C10orf67: variants seen among roughly 807,000 people sequenced by gnomAD.
C10orf67 encodes the protein chromosome 10 open reading frame 67, also known as uncharacterized protein C10orf67, mitochondrial.
C10orf67 carries 60 observed loss-of-function variants against 35.6 expected under a neutral mutation model. The observed-to-expected ratio is 1.68, with a 90% CI of 1.37 to 2.09. The LOEUF (loss-of-function observed/expected upper bound fraction) is 2.09. Ranked by LOEUF, C10orf67 falls within the 30% of genes most tolerant of loss-of-function variation. The pLI, the probability that C10orf67 is intolerant of heterozygous loss-of-function variation, is 0.00. For missense variants in C10orf67, 474 were observed against 330.2 expected (o/e 1.44, Z -3.38); for synonymous variants, 167 against 115.8 (o/e 1.44, Z -2.84).
chr10:23,239,616 C>A (rs1359892120), intron 13 of C10orf67, 113 bp downstream of exon 13: 2 of 509,476 alleles, frequency 3.9e-6, no homozygotes, highest in African/African-American at 1.9e-5. Context: ...CTGCCTTGTA[C>A]TATCTCTAGA....
Position 23,322,659 on chromosome 10 carries a change from A to G in C10orf67, c.328-122T>C, listed in dbSNP as rs949629379. The G allele has an allele frequency of 2.7e-5, 17 of 621,724 alleles. No homozygotes were observed. The African/African-American group carries it at 2.8e-4, about 10-fold the overall frequency. 38.5% of individuals were successfully genotyped at this position (621,724 alleles called of 1,614,324 possible). ...AACTCATGTGCACAAAGAGGGGAGC[A>G]ACACACACTGGGGCCTACTTACGGT... On this transcript the variant is annotated intron_variant, in intron 2 of 15. Coordinates refer to ENST00000636213, the MANE Select transcript of C10orf67 (RefSeq NM_001371909.1).
chr10:23,313,022 A>C (rs1197320643), intron 4 of C10orf67, among the ~76,000 whole-genome samples: 1 of 152,130 alleles, frequency 6.6e-6, no homozygotes, highest in African/African-American at 2.4e-5. Flanking sequence ...CCAATTCCTC[A>C]AAATCTCTTT....
chr10:23,325,400 T>C (rs1845147274), intron 2 of C10orf67, among the ~76,000 whole-genome samples: 1 of 150,766 alleles, frequency 6.6e-6, no homozygotes, highest in Non-Finnish European at 1.5e-5. Flanking sequence ...GGCTCATCCC[T>C]GAGAGATACA....
intron 5 of C10orf67, among the ~76,000 whole-genome samples, chr10:23,295,097 T>C (rs182082095): frequency 1.1e-4 from 16 of 152,318 alleles, no homozygotes; most frequent in African/African-American, 3.8e-4. Flanking sequence ...TGTCGGGGTC[T>C]CCAGGAGAAA....
chr10:23,228,569 A>G (rs568923266), intron 13 of C10orf67, among the ~76,000 whole-genome samples: 38 of 152,368 alleles, frequency 2.5e-4, no homozygotes, highest in African/African-American at 8.9e-4. Context: ...CAATGGCAAC[A>G]AAAGCCAAAA....
Position 23,266,349 on chromosome 10 carries a change from C to T in C10orf67, c.1113G>A (p.Arg371=). The T allele has an allele frequency of 2.5e-6, 1 of 398,616 alleles. No individual in the cohort carries two copies. Among genetic ancestry groups the T allele is most frequent in the East Asian group, 3.6e-5 (1 of 28,074 alleles). 24.7% of individuals were successfully genotyped at this position (398,616 alleles called of 1,614,324 possible). Residue 371 remains arginine (R), a synonymous_variant, in exon 10 of 16, where the codon AGG becomes AGA. Coordinates refer to ENST00000636213, the MANE Select transcript of C10orf67 (RefSeq NM_001371909.1). ...ATACACTCATGGTCGCAGAATGTGG[C>T]CTCAAAGCTGTGGTGCTGGGTGGAG... ...PKSPPSTTAL[R]PHSATMSVSS...
chr10:23,279,311 C>T (rs1406434495), intron 8 of C10orf67, among the ~76,000 whole-genome samples: 2 of 152,234 alleles, frequency 1.3e-5, no homozygotes, highest in Non-Finnish European at 2.9e-5. Context: ...GATGAAGAGC[C>T]ACTATTCACA....
At chr10:23,212,820 A>AGAGG (rs982750419) in intron 15 of C10orf67, among the ~76,000 whole-genome samples, 2 of 147,452 alleles carry the variant, frequency 1.4e-5, no homozygotes, top group African/African-American at 5.1e-5. Context: ...AGAGAGAGAG[A>AGAGG]GAGACGTAAG....
chr10:23,298,761 C>A (rs1425818747), intron 5 of C10orf67, among the ~76,000 whole-genome samples: 1 of 152,196 alleles, frequency 6.6e-6, no homozygotes, highest in South Asian at 2.1e-4. Flanking sequence ...GGTTTGGAAA[C>A]CTTGTAGCCA....
intron 10 of C10orf67, among the ~76,000 whole-genome samples, chr10:23,264,542 A>G (rs886758056): frequency 1.3e-5 from 2 of 152,148 alleles, no homozygotes; most frequent in African/African-American, 4.8e-5. Context: ...ACCTTCTCAG[A>G]GATTTGTCAG....
chr10:23,229,891 A>G (rs924705896), intron 13 of C10orf67, among the ~76,000 whole-genome samples: 3 of 152,272 alleles, frequency 2.0e-5, no homozygotes, highest in East Asian at 3.9e-4. Flanking sequence ...CAAGATGCCA[A>G]TTGTGCCTAA....
At chr10:23,271,322 A>C (rs1409896961) in intron 8 of C10orf67, among the ~76,000 whole-genome samples, 1 of 152,220 alleles carries the variant, frequency 6.6e-6, no homozygotes, top group Non-Finnish European at 1.5e-5. Flanking sequence ...CTATCTATTA[A>C]TGTATACCAG....
chr10:23,218,307 ATTTTT>A (rs371926193), intron 15 of C10orf67, among the ~76,000 whole-genome samples: 27 of 119,088 alleles, frequency 2.3e-4, no homozygotes, highest in African/African-American at 7.7e-4. Flanking sequence ...CACGAGGCTA[ATTTTT>A]TTTTTTTTTT....
chr10:23,266,263 A>G lies in C10orf67; in HGVS notation c.1199T>C (p.Val400Ala), dbSNP rs1842881209. 2.5e-6 allele frequency: 1 copy of G among 398,628 alleles called. No individual in the cohort carries two copies. Among genetic ancestry groups the G allele is most frequent in the Non-Finnish European group, 4.4e-6 (1 of 226,100 alleles). 24.7% of individuals were successfully genotyped at this position (398,628 alleles called of 1,614,324 possible). The change falls in exon 10 of 16, where the codon GTG (valine) becomes GCG (alanine). Residue 400 changes from valine to alanine, a missense_variant and splice_region_variant. Physicochemically the swap from Val to Ala is moderately conservative, Grantham distance 64. Coordinates refer to ENST00000636213, the MANE Select transcript of C10orf67 (RefSeq NM_001371909.1). ...PKKALKEDQA[V>A]VEDKHGLESQ... ...TGTGGTCATGGAAGCAGTTCTTACCACAGCTTGGTCTTCCTTTAAAGCCTT... is the reference window on the plus strand; with the variant it reads ...TGTGGTCATGGAAGCAGTTCTTACCGCAGCTTGGTCTTCCTTTAAAGCCTT...
chr10:23,213,127 A>G (rs1341343716), intron 15 of C10orf67, among the ~76,000 whole-genome samples: 1 of 152,218 alleles, frequency 6.6e-6, no homozygotes, highest in Admixed American at 6.5e-5. Context: ...TGAAACACTA[A>G]AACATGGGAT....
rs1212194606 is a variant in C10orf67 at position 23,223,636 on chromosome 10, A to G, written c.1532T>C (p.Val511Ala). The G allele has an allele frequency of 1.4e-5, 10 of 717,510 alleles. No individual in the cohort carries two copies. The highest frequency in any genetic ancestry group is 2.6e-5 in the Non-Finnish European group (10 of 385,014). The allele number at this position is 717,510 out of a possible 1,614,324, so 44.4% of individuals were successfully genotyped here. ...TTGAAGGGCTGCCTGATCACTGACT[A>G]CATCCACATGCTTACCGTCTATCTG... is the stretch of plus-strand genomic sequence containing the variant. ...TSSIDGKHVD[V>A]VSDQAALQLS... is the part of the protein sequence containing the mutation. Residue 511 changes from valine (V) to alanine (A), a missense_variant, in exon 15 of 16, where the codon GTA becomes GCA. By Grantham distance (64) the Val-to-Ala change is moderately conservative. Transcript: ENST00000636213.
At chr10:23,297,414 G>A (rs879403202) in intron 5 of C10orf67, among the ~76,000 whole-genome samples, 15 of 152,162 alleles carry the variant, frequency 9.9e-5, no homozygotes, top group African/African-American at 3.6e-4. Flanking sequence ...GCATGGGCAT[G>A]GAGGACTAGG....
At chr10:23,232,323 T>C (rs1467494432) in intron 13 of C10orf67, among the ~76,000 whole-genome samples, 4 of 152,214 alleles carry the variant, frequency 2.6e-5, no homozygotes, top group Non-Finnish European at 5.9e-5. Context: ...TGGGGAACCT[T>C]ACTCCCTGGA....
chr10:23,259,350 G>A (rs1842688020), intron 10 of C10orf67, among the ~76,000 whole-genome samples: 1 of 152,196 alleles, frequency 6.6e-6, no homozygotes, highest in African/African-American at 2.4e-5. Flanking sequence ...TAACCCTAGT[G>A]CTAGTACCTA....
Sources: gnomAD v4.1 joint callset for allele counts (sites outside exome capture counted in the v4.1 genomes callset) on GRCh38, gnomAD v4.1.1 for gene constraint, MANE v1.5 for transcripts, NCBI Gene and HGNC (gene_info 2026-07-23, HGNC 2026-07-21) for gene names.